The following UTRN variants were observed in gnomAD, a reference collection of about 807,000 sequenced individuals.
UTRN encodes the protein dystrophin-related protein 1.
In UTRN, 283 loss-of-function variants were observed where a neutral mutation model predicts 463.9. The ratio of observed to expected loss-of-function variants is 0.61; its 90% CI spans 0.55 to 0.67. The LOEUF is 0.67. Among genes scored for constraint, UTRN ranks in the 30% least tolerant of loss-of-function variants. UTRN has a pLI of 0.00. For synonymous variants in UTRN, 1,442 were observed against 1,431.5 expected (o/e 1.01, Z -0.17); for missense variants, 3,922 against 4,084.3 (o/e 0.96, Z 1.08).
chr6:144,363,090 A>G (rs950390528), intron 2 of UTRN, among the ~76,000 whole-genome samples: 2 of 152,194 alleles, frequency 1.3e-5, no homozygotes, highest in Admixed American at 1.3e-4. Context: ...ATGTTTTTAA[A>G]AGATTTTTTA....
At position 144,789,272 on chromosome 6, in the gene UTRN, A is replaced by G; in HGVS notation, c.8913A>G (p.Lys2971=). The G allele has an allele frequency of 6.2e-7, 1 of 1,612,044 alleles. No homozygotes were observed. The highest frequency in any genetic ancestry group is 8.5e-7 in the Non-Finnish European group (1 of 1,178,634). Residue 2971 remains lysine, a synonymous_variant, in exon 62 of 75, where the codon AAA becomes AAG. Transcript: ENST00000367545. ...MSLSKGLLEE[K]YRYLFKEVAG... is the part of the protein sequence containing the mutation. ...TCTCCAAAGGTCTCTTGGAAGAAAA[A>G]TACAGATGTATGTAAGACCTTTCTT... is the stretch of plus-strand genomic sequence containing the variant.
At chr6:144,439,502 C>CT (rs200271031) in intron 12 of UTRN, among the ~76,000 whole-genome samples, 3 of 151,370 alleles carry the variant, frequency 2.0e-5, no homozygotes, top group African/African-American at 4.9e-5. Flanking sequence ...TTCTTTCTTT[C>CT]TTTTTTTTGA....
rs1304992493 is a variant in UTRN at position 144,777,654 on chromosome 6, G to C, written c.8632+3290G>C. Among the ~76,000 whole-genome samples, 3 of 152,164 alleles carry C rather than the reference G, an allele frequency of 2.0e-5. No homozygotes were observed. The East Asian group carries it at 5.8e-4, about 29-fold the overall frequency. ...TTTGATTTTGAAACTTTATGTGATA[G>C]GTAATAGCAGAAAAGCAAAAGGGAA... is the stretch of plus-strand genomic sequence containing the variant. On this transcript the variant is annotated intron_variant, in intron 60 of 74. Transcript: ENST00000367545.
At chr6:144,630,309 C>T (rs1285818991) in intron 51 of UTRN, among the ~76,000 whole-genome samples, 1 of 152,130 alleles carries the variant, frequency 6.6e-6, no homozygotes, top group African/African-American at 2.4e-5. Context: ...TTGCTGAGGG[C>T]CTGTGTATTA....
intron 51 of UTRN, among the ~76,000 whole-genome samples, chr6:144,640,070 C>CAG (rs1777615409): frequency 1.3e-5 from 2 of 151,112 alleles, no homozygotes; most frequent in South Asian, 2.1e-4. Flanking sequence ...GATTGAGAGA[C>CAG]AGAGAGAGAG....
intron 53 of UTRN, among the ~76,000 whole-genome samples, chr6:144,728,959 C>T (rs1036730923): frequency 2.0e-5 from 3 of 152,138 alleles, no homozygotes; most frequent in African/African-American, 7.2e-5. Context: ...TTTGGTTAGT[C>T]CAAGCACACT....
chr6:144,759,406 G>A (rs1366108958), intron 58 of UTRN, among the ~76,000 whole-genome samples: 2 of 152,048 alleles, frequency 1.3e-5, no homozygotes, highest in African/African-American at 2.4e-5. Flanking sequence ...AATTTGCTTG[G>A]TTGAATATTG....
intron 51 of UTRN, among the ~76,000 whole-genome samples, chr6:144,649,570 T>C (rs189249255): frequency 6.6e-6 from 1 of 152,030 alleles, no homozygotes; most frequent in African/African-American, 2.4e-5. Context: ...TATTTGGGGG[T>C]TGGAATATGG....
At chr6:144,772,733 T>A (rs1794213899) in intron 59 of UTRN, among the ~76,000 whole-genome samples, 1 of 152,250 alleles carries the variant, frequency 6.6e-6, no homozygotes, top group African/African-American at 2.4e-5. Context: ...AATTCATTTT[T>A]ATATAAAAAT....
At chr6:144,338,219 A>G (rs763717758) in intron 2 of UTRN, among the ~76,000 whole-genome samples, 6 of 152,014 alleles carry the variant, frequency 3.9e-5, no homozygotes, top group Non-Finnish European at 8.8e-5. Context: ...GTATTTTTAG[A>G]CATGTGCTTT....
intron 41 of UTRN, among the ~76,000 whole-genome samples, chr6:144,528,066 T>C (rs6934085): frequency 0.021 from 3,044 of 143,544 alleles, 129 homozygotes; most frequent in African/African-American, 0.079. Flanking sequence ...GATGGAGTCT[T>C]ACTCTGTTGC....
At chr6:144,418,535 A>G (rs575793271) in intron 3 of UTRN, among the ~76,000 whole-genome samples, 2 of 147,576 alleles carry the variant, frequency 1.4e-5, no homozygotes, top group East Asian at 4.1e-4. Context: ...TATTTCTTTT[A>G]TATAATGCTG....
intron 3 of UTRN, among the ~76,000 whole-genome samples, chr6:144,405,033 G>C (rs1199687705): frequency 2.0e-5 from 3 of 152,142 alleles, no homozygotes; most frequent in Non-Finnish European, 1.5e-5. Context: ...AAAAGACTTG[G>C]TAATTTTTAT....
intron 53 of UTRN, among the ~76,000 whole-genome samples, chr6:144,724,021 AAAAAAAAAGAAAG>A (rs1787534526): frequency 6.6e-6 from 1 of 150,692 alleles, no homozygotes; most frequent in South Asian, 2.1e-4. Context: ...AAAAAAAAAA[AAAAAAAAAGAAAG>A]AAAAAAAAGA....
intron 54 of UTRN, among the ~76,000 whole-genome samples, chr6:144,735,453 G>A (rs900970223): frequency 7.9e-5 from 12 of 152,172 alleles, no homozygotes; most frequent in Admixed American, 6.5e-5. Flanking sequence ...GGCAGATGGG[G>A]ATGAGATGGT....
chr6:144,802,341 C>T (rs1405771245), intron 64 of UTRN, among the ~76,000 whole-genome samples: 2 of 152,150 alleles, frequency 1.3e-5, no homozygotes, highest in South Asian at 2.1e-4. Flanking sequence ...TACAGCCACA[C>T]AACTTTTAAA....
At chr6:144,498,249 C>A (rs1793845025) in intron 33 of UTRN, among the ~76,000 whole-genome samples, 1 of 152,176 alleles carries the variant, frequency 6.6e-6, no homozygotes, top group Admixed American at 6.5e-5. Flanking sequence ...CTGGCCTTGG[C>A]CTTAACCTCT....
At chr6:144,438,935 T>C (rs751067564) in intron 12 of UTRN, 40 bp downstream of exon 12, 1 of 1,604,192 alleles carries the variant, frequency 6.2e-7, no homozygotes, top group Non-Finnish European at 8.5e-7. Context: ...TTATCAAATA[T>C]GAAAGAGCAG....
At chr6:144,774,752 C>T (rs1775164285) in intron 60 of UTRN, among the ~76,000 whole-genome samples, 2 of 152,114 alleles carry the variant, frequency 1.3e-5, no homozygotes, top group Non-Finnish European at 2.9e-5. Flanking sequence ...TAAAGAAACA[C>T]TAAAAAATCA....
Sources: allele counts gnomAD v4.1 joint callset (sites outside exome capture counted in the v4.1 genomes callset), GRCh38; gene constraint gnomAD v4.1.1; transcripts MANE v1.5; gene names NCBI Gene and HGNC (gene_info 2026-07-23, HGNC 2026-07-21).